The following GRAMD1C variants were observed in gnomAD, a reference collection of about 807,000 sequenced individuals.
GRAMD1C encodes GRAM domain containing 1C.
Under a neutral mutation model 97.8 loss-of-function variants are expected in GRAMD1C, and 89 were observed. The ratio of observed to expected loss-of-function variants is 0.91; its 90% CI spans 0.77 to 1.09. The LOEUF is 1.09. Ranked by LOEUF, GRAMD1C falls within the 50% of genes least tolerant of loss-of-function variation. The pLI, the probability that GRAMD1C is intolerant of heterozygous loss-of-function variation, is 0.00. For missense variants in GRAMD1C, 740 were observed against 766.4 expected (o/e 0.97, Z 0.41); for synonymous variants, 256 against 267.0 (o/e 0.96, Z 0.40).
chr3:113,900,165 C>A (rs928826535), intron 6 of GRAMD1C, among the ~76,000 whole-genome samples: 1 of 151,786 alleles, frequency 6.6e-6, no homozygotes, highest in South Asian at 2.1e-4. Context: ...TCCAGACCAG[C>A]CTGGCCAACA....
At chr3:113,889,398 A>G (rs1271936726) in intron 6 of GRAMD1C, among the ~76,000 whole-genome samples, 1 of 152,134 alleles carries the variant, frequency 6.6e-6, no homozygotes, top group African/African-American at 2.4e-5. Context: ...AGAAATAGTA[A>G]AGTTATTGCC....
chr3:113,901,062 T>A lies in GRAMD1C; in HGVS notation c.572T>A (p.Leu191His). 1.2e-6 allele frequency: 2 copies of A among 1,608,384 alleles called. No homozygotes were observed. The highest frequency in any genetic ancestry group is 1.7e-6 in the Non-Finnish European group (2 of 1,174,944). The change falls in exon 7 of 18, where the codon CTC becomes CAC. Residue 191 changes from leucine to histidine, a missense_variant. Coordinates refer to ENST00000358160, the MANE Select transcript of GRAMD1C (RefSeq NM_017577.5). ...ACTAGACAGGAATTCTGGCAACTGC[T>A]CCAGCAGAACTATGGCACTGAGCTA... The part of the protein sequence containing the change: ...SLTRQEFWQL[L>H]QQNYGTELGL...
At chr3:113,924,162 C>G (rs1440835587) in intron 10 of GRAMD1C, among the ~76,000 whole-genome samples, 1 of 139,404 alleles carries the variant, frequency 7.2e-6, no homozygotes, top group Admixed American at 7.4e-5. Context: ...TTATTTGGAT[C>G]TTCTCTTTTA....
At chr3:113,875,781 C>A in intron 4 of GRAMD1C, 194 bp downstream of exon 4, 1 of 431,978 alleles carries the variant, frequency 2.3e-6, no homozygotes, top group Non-Finnish European at 4.1e-6. Context: ...ATACATTGAG[C>A]TCCAGTATAG....
chr3:113,911,173 G>GACACACACACACACACACACACAC lies in GRAMD1C; in HGVS notation c.952+2069_952+2070insACACACACACACACACACACACAC, dbSNP rs60151773. On this transcript the variant is annotated intron_variant, in intron 9 of 17. Coordinates refer to ENST00000358160, the MANE Select transcript of GRAMD1C (RefSeq NM_017577.5). ...CAGAGCAGGGAACAACAGAGAGAGAGACACACACACACACACGCACACGAG... is the reference window on the plus strand; with the variant it reads ...CAGAGCAGGGAACAACAGAGAGAGAGACACACACACACACACACACACACACACACACACACACACGCACACGAG... Among the ~76,000 whole-genome samples the GACACACACACACACACACACACAC allele has an allele frequency of 6.6e-3, 978 of 147,514 alleles. 9 individuals carry two copies. Among genetic ancestry groups the GACACACACACACACACACACACAC allele is most frequent in the Admixed American group, 0.016 (233 of 14,758 alleles).
At chr3:113,876,838 A>T (rs1935058075) in intron 5 of GRAMD1C, among the ~76,000 whole-genome samples, 1 of 148,312 alleles carries the variant, frequency 6.7e-6, no homozygotes, top group South Asian at 2.1e-4. Context: ...GAAGGAGAGG[A>T]AGGAAAGAAA....
At chr3:113,869,251 A>G (rs557585655) in intron 2 of GRAMD1C, among the ~76,000 whole-genome samples, 12 of 152,158 alleles carry the variant, frequency 7.9e-5, no homozygotes, top group East Asian at 5.8e-4. Context: ...GTCATTTTCC[A>G]TCGTTTGAGA....
At chr3:113,885,281 G>GT in intron 6 of GRAMD1C, 1 of 1,437,276 alleles carries the variant, frequency 7.0e-7, no homozygotes, top group Non-Finnish European at 9.7e-7. Context: ...GGGGCCGGCG[G>GT]TGCCGGGGTC....
intron 3 of GRAMD1C, among the ~76,000 whole-genome samples, chr3:113,872,828 T>C (rs1455673195): frequency 2.7e-5 from 4 of 150,330 alleles, no homozygotes; most frequent in Non-Finnish European, 4.4e-5. Flanking sequence ...TCCCAGCACT[T>C]TGAGAGGCCG....
At chr3:113,891,086 T>C (rs1935706383) in intron 6 of GRAMD1C, 2 of 239,812 alleles carry the variant, frequency 8.3e-6, no homozygotes, top group East Asian at 1.7e-4. Flanking sequence ...TTATCTTTAA[T>C]GTTGAATATG....
chr3:113,841,287 T>TTTTTTA (rs1709782432), intron 1 of GRAMD1C, among the ~76,000 whole-genome samples: 1 of 124,948 alleles, frequency 8.0e-6, no homozygotes, highest in African/African-American at 3.3e-5. Flanking sequence ...CTTTCTTTCT[T>TTTTTTA]TTTTTTTTTT....
chr3:113,834,084 A>G (rs1413645452), upstream of GRAMD1C, among the ~76,000 whole-genome samples: 1 of 152,192 alleles, frequency 6.6e-6, no homozygotes, highest in East Asian at 1.9e-4. Flanking sequence ...TTAAATCTAT[A>G]GGAAAAATTG....
intron 10 of GRAMD1C, among the ~76,000 whole-genome samples, chr3:113,930,456 T>C (rs1283129707): frequency 6.6e-6 from 1 of 152,206 alleles, no homozygotes; most frequent in Non-Finnish European, 1.5e-5. Flanking sequence ...AATTTTATCT[T>C]CTAATAAAAG....
intron 9 of GRAMD1C, among the ~76,000 whole-genome samples, chr3:113,912,427 A>C (rs1484477307): frequency 1.3e-5 from 2 of 152,182 alleles, no homozygotes; most frequent in Non-Finnish European, 2.9e-5. Flanking sequence ...TACTGCTTTT[A>C]GGTTTGAGAA....
intron 10 of GRAMD1C, among the ~76,000 whole-genome samples, chr3:113,917,279 G>T (rs1936847330): frequency 6.6e-6 from 1 of 152,184 alleles, no homozygotes; most frequent in African/African-American, 2.4e-5. Flanking sequence ...CATATAAAGT[G>T]AGTCATTTGA....
intron 6 of GRAMD1C, among the ~76,000 whole-genome samples, chr3:113,884,698 G>T (rs1472278148): frequency 6.6e-6 from 1 of 151,930 alleles, no homozygotes; most frequent in Non-Finnish European, 1.5e-5. Context: ...AATTAGCTGG[G>T]CGTGGTGGCG....
chr3:113,900,295 G>A (rs1407037345), intron 6 of GRAMD1C, among the ~76,000 whole-genome samples: 1 of 151,202 alleles, frequency 6.6e-6, no homozygotes, highest in Non-Finnish European at 1.5e-5. Flanking sequence ...GGAGGTGAAG[G>A]TTGCAGTGAG....
chr3:113,835,911 G>A (rs1709623887), upstream of GRAMD1C, among the ~76,000 whole-genome samples: 1 of 152,186 alleles, frequency 6.6e-6, no homozygotes, highest in South Asian at 2.1e-4. Context: ...ATGGAAACCT[G>A]TCTTTTACTG....
intron 2 of GRAMD1C, among the ~76,000 whole-genome samples, chr3:113,863,008 G>C (rs888068400): frequency 1.3e-5 from 2 of 152,100 alleles, no homozygotes; most frequent in Non-Finnish European, 2.9e-5. Flanking sequence ...AATGGTACAG[G>C]CATTTTGGAA....
Sources: allele counts gnomAD v4.1 joint callset (sites outside exome capture counted in the v4.1 genomes callset), GRCh38; gene constraint gnomAD v4.1.1; transcripts MANE v1.5; gene names NCBI Gene and HGNC (gene_info 2026-07-23, HGNC 2026-07-21).